Variants in GAS2 observed in about 807,000 individuals in gnomAD.
GAS2 encodes the protein growth arrest-specific protein 2.
GAS2 carries 20 observed loss-of-function variants against 37.5 expected under a neutral mutation model. That is an observed-to-expected ratio of 0.53 (90% CI 0.37 to 0.77). GAS2 has a LOEUF of 0.77. GAS2 is among the 30% of genes least tolerant of loss of function. The pLI, the probability that GAS2 is intolerant of heterozygous loss-of-function variation, is 0.00. For missense variants in GAS2, 336 were observed against 373.4 expected (o/e 0.90, Z 0.82); for synonymous variants, 144 against 132.2 (o/e 1.09, Z -0.61).
intron 4 of GAS2, among the ~76,000 whole-genome samples, chr11:22,734,623 A>T (rs1214317391): frequency 1.3e-5 from 2 of 151,736 alleles, no homozygotes; most frequent in South Asian, 4.1e-4. Context: ...TAAAACTATC[A>T]TTGGGCTGTT....
At chr11:22,795,328 GTAAA>G (rs1278089135) in intron 7 of GAS2, among the ~76,000 whole-genome samples, 1 of 152,086 alleles carries the variant, frequency 6.6e-6, no homozygotes, top group Non-Finnish European at 1.5e-5. Flanking sequence ...GAAAACCTAG[GTAAA>G]TAAATAGCAT....
chr11:22,628,610 C>T (rs547449093), intron 1 of GAS2, among the ~76,000 whole-genome samples: 3 of 151,830 alleles, frequency 2.0e-5, no homozygotes, highest in Non-Finnish European at 2.9e-5. Context: ...ACTTTCTTGT[C>T]GTCTTTTCAT....
At chr11:22,765,472 A>C (rs1422220964) in intron 7 of GAS2, among the ~76,000 whole-genome samples, 1 of 151,736 alleles carries the variant, frequency 6.6e-6, no homozygotes, top group African/African-American at 2.4e-5. Flanking sequence ...CCATTACTGC[A>C]TTGCTATAAA....
At chr11:22,715,238 G>T (rs999114626) in intron 3 of GAS2, among the ~76,000 whole-genome samples, 16 of 152,024 alleles carry the variant, frequency 1.1e-4, no homozygotes, top group Admixed American at 2.0e-4. Flanking sequence ...AAGGCAGGCG[G>T]ATCACCAGGT....
Position 22,675,042 on chromosome 11 carries a change from G to A in GAS2, c.145+28G>A, listed in dbSNP as rs1849361497. The A allele has an allele frequency of 1.9e-6, 3 of 1,606,836 alleles. No homozygotes were observed. In the East Asian group the frequency reaches 6.7e-5, roughly 36 times the overall value. On this transcript the variant is annotated intron_variant, in intron 2 of 7. Coordinates refer to ENST00000454584, the MANE Select transcript of GAS2 (RefSeq NM_001143830.3). ...AAGGTTATAAGATCTCATTTTGTGA[G>A]CAAAGACAACAGTTTTTGTTTTATT...
At chr11:22,781,987 G>T (rs1368545633) in intron 7 of GAS2, among the ~76,000 whole-genome samples, 2 of 152,138 alleles carry the variant, frequency 1.3e-5, no homozygotes, top group East Asian at 3.9e-4. Context: ...TCAGTTGATG[G>T]TCTGCATTTC....
At chr11:22,731,240 G>A (rs574512628) in intron 4 of GAS2, 15 of 356,782 alleles carry the variant, frequency 4.2e-5, no homozygotes, top group Admixed American at 9.7e-5. Flanking sequence ...GGGAGATGGC[G>A]AAAAAAGGGA....
chr11:22,696,282 T>C (rs1850511024), intron 3 of GAS2, among the ~76,000 whole-genome samples: 1 of 151,670 alleles, frequency 6.6e-6, no homozygotes, highest in African/African-American at 2.4e-5. Flanking sequence ...TCATCATTTT[T>C]TATGGCTGCA....
chr11:22,735,218 A>G (rs1360455845), intron 4 of GAS2, among the ~76,000 whole-genome samples: 2 of 127,504 alleles, frequency 1.6e-5, no homozygotes, highest in Admixed American at 9.9e-5. Context: ...CTGGTCACCA[A>G]TCATTCTTTT....
At chr11:22,660,848 C>T (rs1368171487) in intron 1 of GAS2, among the ~76,000 whole-genome samples, 1 of 152,328 alleles carries the variant, frequency 6.6e-6, no homozygotes, top group East Asian at 1.9e-4. Flanking sequence ...GCAGTTCTCT[C>T]ACTTTGGGCT....
chr11:22,753,743 G>A (rs149236482), intron 6 of GAS2, among the ~76,000 whole-genome samples: 1 of 152,142 alleles, frequency 6.6e-6, no homozygotes, highest in African/African-American at 2.4e-5. Flanking sequence ...AAGGAAAACA[G>A]TACCACTTCT....
chr11:22,724,843 A>C (rs1160382255), intron 3 of GAS2, among the ~76,000 whole-genome samples: 3 of 152,062 alleles, frequency 2.0e-5, no homozygotes, highest in Admixed American at 2.0e-4. Context: ...TAACCACAAA[A>C]TCCCTGGAAC....
intron 6 of GAS2, among the ~76,000 whole-genome samples, chr11:22,750,025 AATT>A (rs1222876107): frequency 2.6e-5 from 4 of 152,080 alleles, no homozygotes; most frequent in Admixed American, 6.6e-5. Flanking sequence ...ATATAAAAAA[AATT>A]AATAAAGGAG....
chr11:22,764,299 G>T (rs895970184), intron 7 of GAS2, among the ~76,000 whole-genome samples: 28 of 152,154 alleles, frequency 1.8e-4, no homozygotes, highest in African/African-American at 6.8e-4. Context: ...GGCGGATCAT[G>T]CCTGTAATCC....
At chr11:22,710,383 A>G (rs994408347) in intron 3 of GAS2, among the ~76,000 whole-genome samples, 1 of 152,112 alleles carries the variant, frequency 6.6e-6, no homozygotes, top group Non-Finnish European at 1.5e-5. Context: ...GAGACTCTGA[A>G]TTCACAATTT....
intron 1 of GAS2, among the ~76,000 whole-genome samples, chr11:22,667,443 C>G (rs7112952): frequency 6.6e-6 from 1 of 152,112 alleles, no homozygotes; most frequent in African/African-American, 2.4e-5. Context: ...GGGTGATACT[C>G]ACTGTGTCTG....
At chr11:22,694,520 G>A (rs1290876089) in intron 3 of GAS2, among the ~76,000 whole-genome samples, 1 of 152,174 alleles carries the variant, frequency 6.6e-6, no homozygotes, top group African/African-American at 2.4e-5. Flanking sequence ...CCCACTGAGT[G>A]ACATAGTGAA....
At position 22,685,777 on chromosome 11, in the gene GAS2, C is replaced by G; in HGVS notation, c.255C>G (p.Asn85Lys). 1 of 1,612,842 alleles carries G rather than the reference C, an allele frequency of 6.2e-7. No homozygotes were observed. The highest frequency in any genetic ancestry group is 1.1e-5 in the South Asian group (1 of 90,782). ...AATTCAAGGAGAGCATGGATGCTAA[C>G]AAGCCCACAAAGGTAAAAGATCCCA... ...QEKFKESMDA[N>K]KPTKNLPLKK... The change falls in exon 3 of 8, where the codon AAC (asparagine) becomes AAG (lysine). Residue 85 changes from asparagine (N) to lysine (K), a missense_variant. Asn to Lys is a moderately conservative substitution (Grantham distance 94). Transcript: ENST00000454584.
chr11:22,629,927 T>A (rs1858720971), intron 1 of GAS2, among the ~76,000 whole-genome samples: 1 of 152,210 alleles, frequency 6.6e-6, no homozygotes, highest in African/African-American at 2.4e-5. Flanking sequence ...TCGTCTAGAA[T>A]TTTTATGGTT....
Sources: allele counts gnomAD v4.1 joint callset (sites outside exome capture counted in the v4.1 genomes callset), GRCh38; gene constraint gnomAD v4.1.1; transcripts MANE v1.5; gene names NCBI Gene and HGNC (gene_info 2026-07-23, HGNC 2026-07-21).